Variants in ACOT11 observed in about 807,000 individuals in gnomAD.
ACOT11 encodes acyl-CoA thioesterase 11, also known as acyl-coenzyme A thioesterase 11.
Under a neutral mutation model 77.5 loss-of-function variants are expected in ACOT11, and 69 were observed. The ratio of observed to expected loss-of-function variants is 0.89; its 90% CI spans 0.73 to 1.09. The LOEUF (loss-of-function observed/expected upper bound fraction) is 1.09, where lower values mean the gene tolerates loss of function less well. ACOT11 is among the 50% of genes least tolerant of loss of function. The probability of loss-of-function intolerance (pLI) is 0.00; values close to 1 mark genes in which losing one functional copy is unlikely to be tolerated. For synonymous variants in ACOT11, 279 were observed against 313.0 expected, an observed-to-expected ratio of 0.89 and a Z score of 1.15; for missense variants, 766 against 813.7, an observed-to-expected ratio of 0.94 and a Z score of 0.71.
intron 1 of ACOT11, among the ~76,000 whole-genome samples, chr1:54,583,974 C>G (rs1284854001): frequency 6.6e-6 from 1 of 152,104 alleles, no homozygotes; most frequent in Non-Finnish European, 1.5e-5. Context: ...GTAAGACATG[C>G]TGGTTCCAAG....
chr1:54,601,578 G>T (rs936976846), intron 9 of ACOT11, among the ~76,000 whole-genome samples, 165 bp downstream of exon 9: 2 of 152,210 alleles, frequency 1.3e-5, no homozygotes, highest in African/African-American at 2.4e-5. Flanking sequence ...TGAGCCCTGG[G>T]ATGCCCCTTG....
downstream of ACOT11, chr1:54,611,534 G>A: frequency 6.6e-7 from 1 of 1,521,316 alleles, no homozygotes; most frequent in South Asian, 1.2e-5. Flanking sequence ...ACCCAGCTCT[G>A]CTCCAGTGCC....
chr1:54,563,080 G>T (rs1653600985), intron 1 of ACOT11, among the ~76,000 whole-genome samples: 1 of 151,796 alleles, frequency 6.6e-6, no homozygotes, highest in African/African-American at 2.4e-5. Context: ...CTCGGGCCCT[G>T]CGGGGCCCGT....
At chr1:54,631,960 T>TTGGCAA (rs1307631004) in intron 16 of ACOT11, among the ~76,000 whole-genome samples, 2 of 152,190 alleles carry the variant, frequency 1.3e-5, no homozygotes, top group African/African-American at 4.8e-5. Flanking sequence ...AGCTACCTTG[T>TTGGCAA]TGGCAATGGC....
Position 54,626,036 on chromosome 1 carries a change from G to A in ACOT11, c.1630-4698G>A, listed in dbSNP as rs570691877. Among the ~76,000 whole-genome samples the A allele has an allele frequency of 1.9e-4, 29 of 151,566 alleles. No individual in the cohort carries two copies. In the South Asian group the frequency reaches 4.2e-3, roughly 22 times the overall value. On this transcript the variant is annotated intron_variant, in intron 15 of 16. Transcript: ENST00000371316. ...AGCACTTTGGGAGGCTGAGGCGGGC[G>A]GATCACTTGAGGTCAGGAGTTTATG... is the stretch of plus-strand genomic sequence containing the variant.
chr1:54,618,412 G>A (rs1171602994), intron 15 of ACOT11, among the ~76,000 whole-genome samples: 1 of 152,070 alleles, frequency 6.6e-6, no homozygotes, highest in Admixed American at 6.6e-5. Flanking sequence ...GCTAAGGCAG[G>A]AAGAATCACT....
Position 54,628,725 on chromosome 1 carries a change from G to A in ACOT11, c.1630-2009G>A, listed in dbSNP as rs908080917. ...TTTAAAGTAGTTTCATGTCGGTAGT[G>A]CCCCAAGATAACTACTACAAGCAAA... On this transcript the variant is annotated intron_variant, in intron 15 of 16. Transcript: ENST00000371316. 5.3e-5 allele frequency among the ~76,000 whole-genome samples: 7 copies of A among 132,276 alleles called. 1 individual carries two copies. The highest frequency in any genetic ancestry group is 1.8e-4 in the African/African-American group (7 of 38,978). 86.8% of individuals were successfully genotyped at this position (132,276 alleles called of 152,430 possible).
chr1:54,607,827 C>T lies in ACOT11; in HGVS notation c.1503-115C>T, dbSNP rs888022701. On this transcript the variant is annotated intron_variant, in intron 14 of 15. Transcript: ENST00000343744. This position sits in a 1 kb window ranked among gnomAD's most constrained non-coding sequence, Gnocchi z 4.5. ...TAAGAGTCGATGTGCCTTGCATCCCCCTGGTGAGGAATCTGTGCTAGAGGG... is the reference window on the plus strand; with the variant it reads ...TAAGAGTCGATGTGCCTTGCATCCCTCTGGTGAGGAATCTGTGCTAGAGGG... 37 of 1,394,254 alleles carry T rather than the reference C, an allele frequency of 2.7e-5. No individual in the cohort carries two copies. The highest frequency in any genetic ancestry group is 3.5e-5 in the Non-Finnish European group (36 of 1,016,928). The allele number at this position is 1,394,254 out of a possible 1,614,324, so 86.4% of individuals were successfully genotyped here. A position where few individuals can be genotyped will look rare whatever the true frequency, so the allele number is the denominator to read the frequency against.
intron 3 of ACOT11, among the ~76,000 whole-genome samples, chr1:54,586,832 T>C (rs1654518778): frequency 6.6e-6 from 1 of 152,172 alleles, no homozygotes; most frequent in Admixed American, 6.5e-5. Context: ...CCATAGATCC[T>C]GCTTCTGGGA....
chr1:54,548,305 G>GCGCGATGATCCAGAATGT lies in ACOT11; in HGVS notation c.-2_16dup, dbSNP rs1652943523. 3.8e-6 allele frequency: 6 copies of GCGCGATGATCCAGAATGT among 1,596,124 alleles called. No homozygotes were observed. The highest frequency in any genetic ancestry group is 5.1e-6 in the Non-Finnish European group (6 of 1,171,796). On this transcript the variant is annotated 5_prime_UTR_variant, in exon 1 of 16. The change creates a new upstream start codon in the 5' untranslated region. Transcript: ENST00000343744. Reference sequence around the variant, plus strand: ...GGGCGCTGCTTTCCCCGGCCACCCGGCGCGATGATCCAGAATGTCGGAAAT... The same window carrying GCGCGATGATCCAGAATGT: ...GGGCGCTGCTTTCCCCGGCCACCCGGCGCGATGATCCAGAATGTCGCGATGATCCAGAATGTCGGAAAT...
chr1:54,603,809 A>T, intron 10 of ACOT11, 62 bp from the exon 11 acceptor site: 1 of 1,476,814 alleles, frequency 6.8e-7, no homozygotes. Flanking sequence ...GGCCTGCAGT[A>T]GAGTCTGTGG....
intron 1 of ACOT11, among the ~76,000 whole-genome samples, chr1:54,566,523 C>A (rs949839858): frequency 6.6e-6 from 1 of 151,024 alleles, no homozygotes; most frequent in Non-Finnish European, 1.5e-5. Context: ...GATGTCTGTT[C>A]TAGTTACAGT....
intron 1 of ACOT11, among the ~76,000 whole-genome samples, chr1:54,560,868 C>T (rs1309834175): frequency 6.6e-6 from 1 of 152,078 alleles, no homozygotes; most frequent in African/African-American, 2.4e-5. Context: ...ATTACAGGCG[C>T]CTGCCACCAT....
chr1:54,599,331 T>C lies in ACOT11; in HGVS notation c.800T>C (p.Ile267Thr), dbSNP rs1643936312. The change falls in exon 8 of 16, where the codon ATT becomes ACT. Residue 267 changes from isoleucine (I) to threonine (T), a missense_variant. By Grantham distance (89) the Ile-to-Thr change is moderately conservative. Transcript: ENST00000343744. Reference sequence around the variant, plus strand: ...CGTGCCCACCCTACGCTGAAGGCCATTGAAATGTTCCACTTCCGAGGCCCG... The same window carrying C: ...CGTGCCCACCCTACGCTGAAGGCCACTGAAATGTTCCACTTCCGAGGCCCG... ...LCRAHPTLKAIEMFHFRGPSQ... is the reference protein window; with the variant it reads ...LCRAHPTLKATEMFHFRGPSQ... 6.2e-7 allele frequency: 1 copy of C among 1,606,730 alleles called. No individual in the cohort carries two copies. The highest frequency in any genetic ancestry group is 1.3e-5 in the African/African-American group (1 of 74,224).
At chr1:54,606,433 A>G (rs1042392162) in intron 13 of ACOT11, among the ~76,000 whole-genome samples, 6 of 152,172 alleles carry the variant, frequency 3.9e-5, no homozygotes, top group Non-Finnish European at 5.9e-5. Flanking sequence ...GGACATGGCC[A>G]TGCCTGCCTC....
At chr1:54,605,738 AAT>A (rs1158631570) in intron 13 of ACOT11, among the ~76,000 whole-genome samples, 3 of 152,178 alleles carry the variant, frequency 2.0e-5, no homozygotes, top group Non-Finnish European at 4.4e-5. Flanking sequence ...TATGAATAGA[AAT>A]ATGTTATTCC....
intron 3 of ACOT11, among the ~76,000 whole-genome samples, chr1:54,590,185 T>C (rs1654658354): frequency 6.6e-6 from 1 of 152,164 alleles, no homozygotes; most frequent in Non-Finnish European, 1.5e-5. Context: ...ATATATTTGT[T>C]GAGGAAAGCT....
chr1:54,553,401 G>A (rs1414092227), intron 1 of ACOT11, among the ~76,000 whole-genome samples: 1 of 151,214 alleles, frequency 6.6e-6, no homozygotes, highest in Non-Finnish European at 1.5e-5. Context: ...CTGGGAGGTG[G>A]AGGTTGCAGT....
At chr1:54,598,832 C>A (rs1350956966) in intron 7 of ACOT11, 2 of 129,932 alleles carry the variant, frequency 1.5e-5, no homozygotes, top group Non-Finnish European at 1.6e-5. Context: ...CAGAGTGAAA[C>A]CCTGTCTCAA....
Sources: gnomAD v4.1 joint callset for allele counts (sites outside exome capture counted in the v4.1 genomes callset) on GRCh38, gnomAD v4.1.1 for gene constraint, Gnocchi (gnomAD v3.1) non-coding constraint, MANE v1.5 for transcripts, NCBI Gene and HGNC (gene_info 2026-07-23, HGNC 2026-07-21) for gene names.